TBC1D1: variants seen among roughly 807,000 people sequenced by gnomAD.
TBC1D1 encodes TBC1 (tre-2/USP6, BUB2, cdc16) domain family, member 1.
Under a neutral mutation model 125.6 loss-of-function variants are expected in TBC1D1, and 89 were observed. The ratio of observed to expected loss-of-function variants is 0.71; its 90% CI spans 0.60 to 0.85. TBC1D1 has a LOEUF of 0.85. Ranked by LOEUF, TBC1D1 falls within the 40% of genes least tolerant of loss-of-function variation. TBC1D1 has a pLI of 0.00. For missense variants in TBC1D1, 1,377 were observed against 1,469.2 expected, an observed-to-expected ratio of 0.94 and a Z score of 1.03; for synonymous variants, 565 against 564.1, an observed-to-expected ratio of 1.00 and a Z score of -0.02.
At chr4:37,954,224 G>A (rs1397281892) in intron 2 of TBC1D1, among the ~76,000 whole-genome samples, 1 of 152,212 alleles carries the variant, frequency 6.6e-6, no homozygotes, top group African/African-American at 2.4e-5. Context: ...AGGTAGGAGA[G>A]GAGGGGCAGA....
chr4:38,092,133 G>A (rs1297650567), intron 13 of TBC1D1, among the ~76,000 whole-genome samples: 1 of 152,176 alleles, frequency 6.6e-6, no homozygotes. Context: ...GTGGATTGGG[G>A]CAGGGCAGAA....
At chr4:37,892,129 G>A (rs1322041189) in intron 1 of TBC1D1, among the ~76,000 whole-genome samples, 1 of 152,082 alleles carries the variant, frequency 6.6e-6, no homozygotes, top group Non-Finnish European at 1.5e-5. Flanking sequence ...ATTTCTCATT[G>A]TTTCCCTTAT....
intron 9 of TBC1D1, 71 bp from the exon 10 acceptor site, chr4:38,045,746 C>T: frequency 9.1e-7 from 1 of 1,094,106 alleles, no homozygotes; most frequent in South Asian, 1.3e-5. Context: ...TTAAATGGAC[C>T]AATCTGCTTC....
At position 38,103,188 on chromosome 4, in the gene TBC1D1, A is replaced by G. The variant is rs79874214; in HGVS notation, c.2557+31A>G. On this transcript the variant is annotated intron_variant, in intron 15 of 19. Coordinates refer to ENST00000261439, the MANE Select transcript of TBC1D1 (RefSeq NM_015173.4). ...TCTGTGCCATCGATTGGAGATGACAATGGAAGTTTCACTCACATGAAAAAT... is the reference window on the plus strand; with the variant it reads ...TCTGTGCCATCGATTGGAGATGACAGTGGAAGTTTCACTCACATGAAAAAT... The G allele has an allele frequency of 3.8e-5, 60 of 1,583,096 alleles. No homozygotes were observed. In the East Asian group the frequency reaches 4.3e-4, roughly 11 times the overall value.
chr4:38,110,829 G>A (rs1240537247), intron 15 of TBC1D1: 1 of 985,364 alleles, frequency 1.0e-6, no homozygotes, highest in African/African-American at 1.7e-5. Context: ...CCTCGAGTTT[G>A]GCAGAAATTA....
At chr4:38,091,578 C>A (rs1219362705) in intron 13 of TBC1D1, among the ~76,000 whole-genome samples, 4 of 152,194 alleles carry the variant, frequency 2.6e-5, no homozygotes, top group Non-Finnish European at 5.9e-5. Context: ...TCATGTAGGT[C>A]AAACTTTAAT....
At chr4:37,961,285 G>C (rs951095977) in intron 2 of TBC1D1, among the ~76,000 whole-genome samples, 2 of 152,124 alleles carry the variant, frequency 1.3e-5, no homozygotes, top group Non-Finnish European at 2.9e-5. Context: ...AGGAGAAAAG[G>C]CCAGGGCCAG....
At chr4:38,100,783 C>T (rs1760180994) in intron 14 of TBC1D1, among the ~76,000 whole-genome samples, 1 of 152,100 alleles carries the variant, frequency 6.6e-6, no homozygotes, top group Non-Finnish European at 1.5e-5. Flanking sequence ...AGAGGTGGCC[C>T]AGTGAGACTT....
At chr4:37,946,883 G>T (rs186367017) in intron 2 of TBC1D1, among the ~76,000 whole-genome samples, 3 of 152,252 alleles carry the variant, frequency 2.0e-5, no homozygotes, top group Admixed American at 2.0e-4. Context: ...GAAAATGCAT[G>T]TCCACATCGT....
intron 1 of TBC1D1, among the ~76,000 whole-genome samples, chr4:37,893,983 GT>G (rs1713962779): frequency 2.1e-5 from 3 of 140,924 alleles, no homozygotes; most frequent in African/African-American, 7.7e-5. Flanking sequence ...ATGCTTCAAG[GT>G]TTTTGACTTT....
At chr4:38,062,452 C>T (rs914630867) in intron 12 of TBC1D1, among the ~76,000 whole-genome samples, 1 of 152,058 alleles carries the variant, frequency 6.6e-6, no homozygotes, top group Non-Finnish European at 1.5e-5. Context: ...TTGGCAGAGA[C>T]GTGGATTTTT....
intron 12 of TBC1D1, among the ~76,000 whole-genome samples, chr4:38,072,603 T>A (rs1231675449): frequency 5.3e-5 from 8 of 152,192 alleles, no homozygotes; most frequent in Middle Eastern, 3.4e-3. Flanking sequence ...AGTATAGATT[T>A]AAAAAAAATT....
rs1262828387 is a variant in TBC1D1, at chr4:38,096,006, A to G, written c.2314A>G (p.Thr772Ala). 2 of 1,614,090 alleles carry G rather than the reference A, an allele frequency of 1.2e-6. No homozygotes were observed. Among genetic ancestry groups the G allele is most frequent in the Non-Finnish European group, 8.5e-7 (1 of 1,179,942 alleles). The change falls in exon 14 of 20, where the codon ACA becomes GCA. Residue 772 changes from threonine (T) to alanine (A), a missense_variant. Physicochemically the swap from Thr to Ala is moderately conservative, Grantham distance 58 (BLOSUM62 0). Coordinates refer to ENST00000261439, the MANE Select transcript of TBC1D1 (RefSeq NM_015173.4). The stretch of plus-strand genomic sequence containing the variant: ...TACTCCCTGTCTTAAAGAAGTAACT[A>G]CAGTGTGGGAAAAGATGCTTAGCAC...
chr4:37,958,843 A>T (rs1308279496), intron 2 of TBC1D1, among the ~76,000 whole-genome samples: 1 of 152,216 alleles, frequency 6.6e-6, no homozygotes, highest in Non-Finnish European at 1.5e-5. Context: ...ATAGTGTTTG[A>T]AGAAAAACAA....
rs1742244293 is a variant in TBC1D1, at chr4:38,014,618, T to C, written c.527T>C (p.Leu176Pro). The C allele has an allele frequency of 6.2e-7, 1 of 1,613,274 alleles. No individual in the cohort carries two copies. Among genetic ancestry groups the C allele is most frequent in the Admixed American group, 1.7e-5 (1 of 60,012 alleles). The change falls in exon 3 of 20, where the codon CTC becomes CCC. Residue 176 changes from leucine to proline, a missense_variant. Coordinates refer to ENST00000261439, the MANE Select transcript of TBC1D1 (RefSeq NM_015173.4). This position sits in a 1 kb window ranked among gnomAD's most constrained non-coding sequence, Gnocchi z 5.1. ...ACGTTTTCCAAGAAGTTCGAGGTGC[T>C]CTTCTGCGGCCGCGTGACGGTGGCG...
chr4:38,077,178 C>T (rs1411469220), intron 12 of TBC1D1, among the ~76,000 whole-genome samples: 1 of 152,204 alleles, frequency 6.6e-6, no homozygotes, highest in Non-Finnish European at 1.5e-5. Context: ...AGATGTATTG[C>T]ATGCTATTTA....
chr4:37,972,571 T>C (rs1326081573), intron 2 of TBC1D1, among the ~76,000 whole-genome samples: 1 of 151,776 alleles, frequency 6.6e-6, no homozygotes, highest in Non-Finnish European at 1.5e-5. Flanking sequence ...GAAGGATATA[T>C]TTTTCAGATG....
chr4:38,008,495 C>G (rs1658206676), intron 2 of TBC1D1, among the ~76,000 whole-genome samples: 1 of 152,186 alleles, frequency 6.6e-6, no homozygotes, highest in East Asian at 1.9e-4. Context: ...CATTTCACAA[C>G]CAGGGAAGCT....
At position 37,960,900 on chromosome 4, in the gene TBC1D1, G is replaced by A. The variant is rs929749427; in HGVS notation, c.418-53609G>A. The A allele has an allele frequency of 6.2e-6, 10 of 1,614,082 alleles. No homozygotes were observed. In the African/African-American group the frequency reaches 9.3e-5, roughly 15 times the overall value. On this transcript the variant is annotated intron_variant, in intron 2 of 19. Coordinates refer to ENST00000261439, the MANE Select transcript of TBC1D1 (RefSeq NM_015173.4). Reference sequence around the variant, plus strand: ...GATCCTTGATGAGGAGGGAGAGCTTGAAAAGCTGTTTCAGCTGGGCCCCCC... The same window carrying A: ...GATCCTTGATGAGGAGGGAGAGCTTAAAAAGCTGTTTCAGCTGGGCCCCCC...
Sources: allele counts gnomAD v4.1 joint callset (sites outside exome capture counted in the v4.1 genomes callset), GRCh38; gene constraint gnomAD v4.1.1; non-coding constraint Gnocchi (gnomAD v3.1); transcripts MANE v1.5; gene names NCBI Gene and HGNC (gene_info 2026-07-23, HGNC 2026-07-21).